The following ARL14EPL variants were observed in gnomAD, a reference collection of about 807,000 sequenced individuals.
ARL14EPL encodes ARF like GTPase 14 effector protein like, also known as ARL14 effector protein-like.
In ARL14EPL, 17 loss-of-function variants were observed where a neutral mutation model predicts 15.9. The observed-to-expected ratio is 1.07, with a 90% confidence interval of 0.73 to 1.60. ARL14EPL has a LOEUF of 1.60. ARL14EPL is among the 40% of genes most tolerant of loss of function. The pLI is 0.00. For missense variants in ARL14EPL, 214 were observed against 185.9 expected, an observed-to-expected ratio of 1.15 and a Z score of -0.88; for synonymous variants, 78 against 63.8, an observed-to-expected ratio of 1.22 and a Z score of -1.06.
intron 1 of ARL14EPL, among the ~76,000 whole-genome samples, chr5:116,040,855 C>T (rs1034483693): frequency 1.3e-5 from 2 of 149,108 alleles, no homozygotes; most frequent in African/African-American, 4.9e-5. Flanking sequence ...GTGGCGGGCG[C>T]CTGTAGTCCC....
chr5:116,054,605 G>T (rs896498264), intron 3 of ARL14EPL, among the ~76,000 whole-genome samples: 1 of 152,178 alleles, frequency 6.6e-6, no homozygotes, highest in African/African-American at 2.4e-5. Flanking sequence ...GCCAAAGTGG[G>T]TGGATCACTA....
At chr5:116,043,003 T>C (rs1474227997) in intron 1 of ARL14EPL, among the ~76,000 whole-genome samples, 1 of 152,032 alleles carries the variant, frequency 6.6e-6, no homozygotes, top group South Asian at 2.1e-4. Context: ...TGTACTACGG[T>C]ACTTGGGGAT....
intron 3 of ARL14EPL, among the ~76,000 whole-genome samples, chr5:116,054,841 T>A (rs1052221433): frequency 8.0e-5 from 12 of 150,006 alleles, no homozygotes; most frequent in African/African-American, 2.9e-4. Context: ...AAAAAATAAA[T>A]AAATAAATAA....
At chr5:116,046,698 C>T (rs552011290) in intron 1 of ARL14EPL, among the ~76,000 whole-genome samples, 213 of 152,140 alleles carry the variant, frequency 1.4e-3, no homozygotes, top group Non-Finnish European at 2.5e-3. Context: ...TAATCTGTTC[C>T]AGCGCTGAAG....
intron 1 of ARL14EPL, among the ~76,000 whole-genome samples, chr5:116,047,882 C>A (rs1209739334): frequency 6.6e-6 from 1 of 152,170 alleles, no homozygotes; most frequent in Non-Finnish European, 1.5e-5. Flanking sequence ...ATTCTAGTTT[C>A]TATGGCCAGC....
At chr5:116,035,831 T>A (rs956926) in intron 1 of ARL14EPL, among the ~76,000 whole-genome samples, 1 of 151,952 alleles carries the variant, frequency 6.6e-6, no homozygotes. Context: ...GTGGGGAACA[T>A]ACTAAGCTGG....
At chr5:116,043,959 A>C (rs1371186320) in intron 1 of ARL14EPL, among the ~76,000 whole-genome samples, 1 of 152,184 alleles carries the variant, frequency 6.6e-6, no homozygotes, top group Non-Finnish European at 1.5e-5. Context: ...GTAGGAAGTG[A>C]TTGACTGTGG....
At chr5:116,056,402 TA>T (rs1462120971) in intron 3 of ARL14EPL, among the ~76,000 whole-genome samples, 5 of 152,266 alleles carry the variant, frequency 3.3e-5, no homozygotes, top group Non-Finnish European at 7.3e-5. Context: ...TGGCCAGTGA[TA>T]ATGAGCATTT....
At chr5:116,053,273 G>C (rs1749434199) in intron 2 of ARL14EPL, among the ~76,000 whole-genome samples, 1 of 150,808 alleles carries the variant, frequency 6.6e-6, no homozygotes, top group Non-Finnish European at 1.5e-5. Flanking sequence ...GATCACTTGA[G>C]CCCCGGGGAT....
chr5:116,052,434 C>T, intron 2 of ARL14EPL: 1 of 612,514 alleles, frequency 1.6e-6, no homozygotes, highest in Admixed American at 2.9e-5. Flanking sequence ...TCATCTAATC[C>T]TTATCACACC....
Position 116,051,441 on chromosome 5 carries a change from C to T in ARL14EPL, c.-9-16C>T, listed in dbSNP as rs1188170267. 2.7e-6 allele frequency: 4 copies of T among 1,455,080 alleles called. No homozygotes were observed. In the South Asian group the frequency reaches 4.9e-5, roughly 18 times the overall value. The allele number at this position is 1,455,080 out of a possible 1,614,324, so 90.1% of individuals were successfully genotyped here. A position where few individuals can be genotyped will look rare whatever the true frequency, so the allele number is the denominator to read the frequency against. On this transcript the variant is annotated splice_polypyrimidine_tract_variant and intron_variant, in intron 1 of 3. Coordinates refer to ENST00000686077, the MANE Select transcript of ARL14EPL (RefSeq NM_001195581.2). ...ATGATATTAATATGTTTTACTTTTT[C>T]CAATTACTTTTTAAGTGATCAGAGA...
At chr5:116,036,766 T>C (rs947390579) in intron 1 of ARL14EPL, among the ~76,000 whole-genome samples, 4 of 152,208 alleles carry the variant, frequency 2.6e-5, no homozygotes, top group African/African-American at 7.2e-5. Context: ...CCATAAACCA[T>C]TGTAACTATA....
intron 3 of ARL14EPL, among the ~76,000 whole-genome samples, chr5:116,056,833 A>G (rs998835708): frequency 7.2e-5 from 11 of 152,178 alleles, no homozygotes; most frequent in African/African-American, 2.7e-4. Context: ...TATAAGGTGT[A>G]AGGAAGGGAT....
At chr5:116,032,540 A>C (rs1288441457) in intron 1 of ARL14EPL, 35 bp downstream of exon 1, 2 of 149,208 alleles carry the variant, frequency 1.3e-5, no homozygotes, top group East Asian at 1.9e-4. Context: ...TTGAAAGAGA[A>C]AGATACCATA....
intron 1 of ARL14EPL, among the ~76,000 whole-genome samples, chr5:116,038,901 A>G (rs1003705650): frequency 2.7e-5 from 4 of 148,236 alleles, no homozygotes; most frequent in African/African-American, 1.0e-4. Flanking sequence ...GTGGCTCACC[A>G]TGAGAGGCCA....
chr5:116,051,073 GC>G (rs1442524170), intron 1 of ARL14EPL: 2 of 154,270 alleles, frequency 1.3e-5, no homozygotes, highest in South Asian at 2.1e-4. Context: ...GAGTGGATGA[GC>G]TTTTCACAAC....
At chr5:116,052,342 A>C in intron 2 of ARL14EPL, 1 of 888,380 alleles carries the variant, frequency 1.1e-6, no homozygotes. Context: ...TCGGACAAAA[A>C]AGCTACAAAT....
In ARL14EPL at chr5:116,058,873, C is replaced by T. The variant is rs74335010; in HGVS notation, c.385C>T (p.Arg129Trp). The T allele has an allele frequency of 8.3e-3, 12,795 of 1,536,068 alleles. 77 individuals carry two copies. Among genetic ancestry groups the T allele is most frequent in the Non-Finnish European group, 9.8e-3 (11,232 of 1,146,884 alleles). The stretch of plus-strand genomic sequence containing the variant: ...TGGGCCCGAGTGCCGCTGCAACCGA[C>T]GGTGGGTTTACGATGCCATCGTCAC... ...KCGPECRCNR[R>W]WVYDAIVTES... is the part of the protein sequence containing the mutation. The change falls in exon 4 of 4, where the codon CGG becomes TGG. Residue 129 changes from arginine (R) to tryptophan (W), a missense_variant. Physicochemically the swap from Arg to Trp is moderately radical, Grantham distance 101. Transcript: ENST00000686077.
intron 1 of ARL14EPL, among the ~76,000 whole-genome samples, chr5:116,050,833 A>G (rs73780815): frequency 0.1 from 3,624 of 35,124 alleles, 153 homozygotes; most frequent in African/African-American, 0.22. Context: ...ACACATGCAC[A>G]CACACACACA....
Sources: allele counts gnomAD v4.1 joint callset (sites outside exome capture counted in the v4.1 genomes callset), GRCh38; gene constraint gnomAD v4.1.1; transcripts MANE v1.5; gene names NCBI Gene and HGNC (gene_info 2026-07-23, HGNC 2026-07-21).